LAMA2: variants seen among roughly 807,000 people sequenced by gnomAD.
LAMA2 encodes laminin subunit alpha 2.
LAMA2 carries 269 observed loss-of-function variants against 364.8 expected under a neutral mutation model. That is an observed-to-expected ratio of 0.74 (90% confidence interval 0.67 to 0.82). The LOEUF (loss-of-function observed/expected upper bound fraction) is 0.82, where lower values mean the gene tolerates loss of function less well. Among genes scored for constraint, LAMA2 ranks in the 40% least tolerant of loss-of-function variants. The pLI is 0.00. For synonymous variants in LAMA2, 1,379 were observed against 1,370.6 expected, an observed-to-expected ratio of 1.01 and a Z score of -0.14; for missense variants, 3,807 against 3,873.2, an observed-to-expected ratio of 0.98 and a Z score of 0.45.
chr6:129,476,031 G>C (rs1276231365), intron 53 of LAMA2, among the ~76,000 whole-genome samples: 1 of 152,212 alleles, frequency 6.6e-6, no homozygotes, highest in Non-Finnish European at 1.5e-5. Flanking sequence ...AGAAGTGTGA[G>C]ATAGTTCTCC....
intron 35 of LAMA2, among the ~76,000 whole-genome samples, chr6:129,384,741 C>G (rs941809522): frequency 1.3e-5 from 2 of 152,018 alleles, no homozygotes; most frequent in African/African-American, 2.4e-5. Context: ...GTCTATACAC[C>G]AGAGAAAGGA....
chr6:129,020,625 G>C (rs1162102657), intron 1 of LAMA2, among the ~76,000 whole-genome samples: 2 of 152,156 alleles, frequency 1.3e-5, no homozygotes, highest in African/African-American at 4.8e-5. Context: ...AGAAGAACAC[G>C]TGAAAAGGTG....
intron 35 of LAMA2, among the ~76,000 whole-genome samples, chr6:129,385,236 G>T (rs1197290454): frequency 2.2e-4 from 26 of 120,578 alleles, no homozygotes; most frequent in Admixed American, 1.0e-3. Context: ...GAAAGGAAAT[G>T]GAAAGAAGGA....
intron 17 of LAMA2, among the ~76,000 whole-genome samples, chr6:129,278,129 T>G (rs1456098687): frequency 6.6e-6 from 1 of 152,060 alleles, no homozygotes; most frequent in South Asian, 2.1e-4. Context: ...TTGAACCCAG[T>G]AGGCAGGGGT....
At chr6:129,104,139 C>T (rs986732843) in intron 4 of LAMA2, among the ~76,000 whole-genome samples, 2 of 152,036 alleles carry the variant, frequency 1.3e-5, no homozygotes, top group African/African-American at 4.8e-5. Flanking sequence ...ATCTTCCTAC[C>T]TAAAAAATCA....
intron 34 of LAMA2, among the ~76,000 whole-genome samples, chr6:129,373,632 G>A (rs966873831): frequency 6.6e-6 from 1 of 152,066 alleles, no homozygotes; most frequent in Non-Finnish European, 1.5e-5. Context: ...TCTTCTTAGG[G>A]TTCCTCTAGA....
At chr6:129,237,957 A>C (rs1162785388) in intron 12 of LAMA2, among the ~76,000 whole-genome samples, 6 of 150,976 alleles carry the variant, frequency 4.0e-5, no homozygotes, top group Non-Finnish European at 7.4e-5. Context: ...CATGAGTTCG[A>C]GACCTGCCTG....
chr6:129,389,849 C>A (rs1779222315), intron 35 of LAMA2, among the ~76,000 whole-genome samples: 1 of 152,122 alleles, frequency 6.6e-6, no homozygotes, highest in African/African-American at 2.4e-5. Context: ...ATTCAGTCAC[C>A]ACCCACCAGG....
intron 30 of LAMA2, among the ~76,000 whole-genome samples, chr6:129,346,823 G>A (rs376525945): frequency 2.6e-4 from 39 of 152,294 alleles, no homozygotes; most frequent in East Asian, 1.9e-3. Flanking sequence ...AAATAAAGGA[G>A]ACTCAAGGAA....
chr6:129,037,301 G>A (rs769874288), intron 1 of LAMA2, among the ~76,000 whole-genome samples: 5 of 152,162 alleles, frequency 3.3e-5, no homozygotes, highest in Non-Finnish European at 7.4e-5. Context: ...CCAAAAGTAA[G>A]ATGAGAGAGA....
At chr6:129,315,349 T>C (rs1444497964) in intron 24 of LAMA2, 127 bp from the exon 25 acceptor site, 35 of 796,474 alleles carry the variant, frequency 4.4e-5, no homozygotes, top group Middle Eastern at 3.2e-4. Context: ...GTGTGAGTTC[T>C]GTTGCTTGTG....
intron 56 of LAMA2, among the ~76,000 whole-genome samples, chr6:129,488,638 C>T (rs1324423370): frequency 1.3e-5 from 2 of 152,172 alleles, no homozygotes; most frequent in African/African-American, 4.8e-5. Flanking sequence ...TTTTGCCATT[C>T]ATTGTTAATT....
chr6:129,021,182 AT>A (rs1199643258), intron 1 of LAMA2, among the ~76,000 whole-genome samples: 4 of 152,156 alleles, frequency 2.6e-5, no homozygotes, highest in African/African-American at 7.2e-5. Context: ...GTCACAGTTT[AT>A]TTCATTATAG....
intron 29 of LAMA2, among the ~76,000 whole-genome samples, chr6:129,331,908 C>T (rs1775679344): frequency 6.6e-6 from 1 of 152,172 alleles, no homozygotes; most frequent in African/African-American, 2.4e-5. Context: ...TGAATCACCC[C>T]ATTCTTCTTG....
chr6:129,200,102 ATG>A (rs1782101809), intron 12 of LAMA2, among the ~76,000 whole-genome samples: 1 of 132,306 alleles, frequency 7.6e-6, no homozygotes, highest in Non-Finnish European at 1.6e-5. Flanking sequence ...ACACGTGTAT[ATG>A]TGTACACGTA....
At chr6:129,240,422 G>T (rs1000148767) in intron 12 of LAMA2, among the ~76,000 whole-genome samples, 22 of 152,306 alleles carry the variant, frequency 1.4e-4, no homozygotes, top group African/African-American at 5.3e-4. Flanking sequence ...ACTATGAACA[G>T]TGAGATTTTT....
chr6:128,975,144 G>A (rs574214406), intron 1 of LAMA2, among the ~76,000 whole-genome samples: 6 of 152,090 alleles, frequency 3.9e-5, no homozygotes, highest in African/African-American at 9.7e-5. Context: ...GAGCCATCGC[G>A]CCTGGCCATG....
intron 1 of LAMA2, among the ~76,000 whole-genome samples, chr6:128,923,210 A>T (rs1404823443): frequency 2.0e-5 from 3 of 150,342 alleles, no homozygotes; most frequent in Non-Finnish European, 4.4e-5. Flanking sequence ...TTGGTTCCAT[A>T]TGAACTTTAA....
intron 1 of LAMA2, among the ~76,000 whole-genome samples, chr6:128,943,276 AG>A (rs1780276724): frequency 4.6e-5 from 1 of 21,742 alleles, no homozygotes; most frequent in South Asian, 2.7e-3. Flanking sequence ...ACACAGAGAG[AG>A]AGAGAGAGAG....
Sources: gnomAD v4.1 joint callset for allele counts (sites outside exome capture counted in the v4.1 genomes callset) on GRCh38, gnomAD v4.1.1 for gene constraint, MANE v1.5 for transcripts, NCBI Gene and HGNC (gene_info 2026-07-23, HGNC 2026-07-21) for gene names.